Variants in SLC44A5 observed in about 807,000 individuals in gnomAD.
SLC44A5 encodes the protein choline transporter-like protein 5.
A neutral mutation model predicts 101.8 loss-of-function variants in SLC44A5; 57 were observed. That is an observed-to-expected ratio of 0.56 (90% CI 0.45 to 0.70). SLC44A5 has a LOEUF of 0.70. Ranked by LOEUF, SLC44A5 falls within the 30% of genes least tolerant of loss-of-function variation. SLC44A5 has a pLI of 0.00. For synonymous variants in SLC44A5, 281 were observed against 290.9 expected, an observed-to-expected ratio of 0.97 and a Z score of 0.35; for missense variants, 737 against 853.1, an observed-to-expected ratio of 0.86 and a Z score of 1.70.
intron 12 of SLC44A5, among the ~76,000 whole-genome samples, chr1:75,231,317 T>C (rs967541346): frequency 1.3e-5 from 2 of 152,190 alleles, no homozygotes; most frequent in Admixed American, 1.3e-4. Flanking sequence ...TTTTTTTCAT[T>C]TGGAGGAGAT....
intron 2 of SLC44A5, among the ~76,000 whole-genome samples, chr1:75,421,361 G>C (rs532429846): frequency 6.0e-4 from 92 of 152,220 alleles, no homozygotes; most frequent in Non-Finnish European, 1.2e-3. Context: ...GGAATAAAAG[G>C]AGTTGTTGCT....
chr1:75,234,772 G>T (rs1425231549), intron 11 of SLC44A5, among the ~76,000 whole-genome samples: 2 of 151,998 alleles, frequency 1.3e-5, no homozygotes, highest in Non-Finnish European at 2.9e-5. Context: ...GCAATTAACA[G>T]CACGACTATC....
chr1:75,509,073 A>C (rs996566417), intron 2 of SLC44A5, among the ~76,000 whole-genome samples: 1 of 152,234 alleles, frequency 6.6e-6, no homozygotes, highest in Non-Finnish European at 1.5e-5. Flanking sequence ...ACTTGGACAG[A>C]CTGGCATGGG....
chr1:75,355,661 T>C (rs1380255488), intron 3 of SLC44A5, among the ~76,000 whole-genome samples: 1 of 152,166 alleles, frequency 6.6e-6, no homozygotes, highest in Non-Finnish European at 1.5e-5. Flanking sequence ...ATAATGGAGC[T>C]GAAAATTTCC....
At chr1:75,373,352 G>T (rs1660353709) in intron 3 of SLC44A5, among the ~76,000 whole-genome samples, 1 of 152,036 alleles carries the variant, frequency 6.6e-6, no homozygotes, top group South Asian at 2.1e-4. Context: ...AGGAAGGGGT[G>T]AGTAAAGGAA....
Position 75,611,083 on chromosome 1 carries a change from C to T in SLC44A5, c.-113G>A, listed in dbSNP as rs1675636224. 2 of 985,214 alleles carry T rather than the reference C, an allele frequency of 2.0e-6. No individual in the cohort carries two copies. Among genetic ancestry groups the T allele is most frequent in the East Asian group, 1.1e-4 (1 of 8,816 alleles). The allele number at this position is 985,214 out of a possible 1,614,324, so 61.0% of individuals were successfully genotyped here. ...TTCAATAACTCCATCAACACTGAAC[C>T]TTCTAACTCTAACATGCTACGATTC... is the stretch of plus-strand genomic sequence containing the variant. On this transcript the variant is annotated 5_prime_UTR_variant, in exon 1 of 24. Coordinates refer to ENST00000370859, the MANE Select transcript of SLC44A5 (RefSeq NM_001130058.2).
At chr1:75,204,889 G>A (rs551502168) in intron 23 of SLC44A5, 2 of 152,284 alleles carry the variant, frequency 1.3e-5, no homozygotes, top group South Asian at 4.1e-4. Context: ...CTCTTGGGCA[G>A]AGCACAAACA....
chr1:75,395,949 T>G (rs1466742018), intron 3 of SLC44A5, among the ~76,000 whole-genome samples: 1 of 152,152 alleles, frequency 6.6e-6, no homozygotes, highest in Non-Finnish European at 1.5e-5. Context: ...GGCAATGAGA[T>G]TGCACAAAGG....
chr1:75,357,768 T>C (rs927998221), intron 3 of SLC44A5, among the ~76,000 whole-genome samples: 7 of 152,150 alleles, frequency 4.6e-5, no homozygotes, highest in African/African-American at 1.7e-4. Context: ...TGGTCATAGT[T>C]TAAATTAAAC....
intron 5 of SLC44A5, among the ~76,000 whole-genome samples, chr1:75,295,868 G>C (rs1653923974): frequency 6.6e-6 from 1 of 152,172 alleles, no homozygotes; most frequent in African/African-American, 2.4e-5. Context: ...TCAGGAAAGA[G>C]TGTGATGTGC....
chr1:75,262,566 T>G (rs1650614336), intron 6 of SLC44A5, among the ~76,000 whole-genome samples: 1 of 152,152 alleles, frequency 6.6e-6, no homozygotes, highest in Non-Finnish European at 1.5e-5. Context: ...CCAAAGTAAT[T>G]TATAGATTCA....
At chr1:75,500,507 G>A (rs2101837595) in intron 2 of SLC44A5, among the ~76,000 whole-genome samples, 1 of 152,120 alleles carries the variant, frequency 6.6e-6, no homozygotes, top group East Asian at 1.9e-4. Flanking sequence ...AAAATTGAAG[G>A]AACATAGATG....
the SLC44A5 span, among the ~76,000 whole-genome samples, chr1:75,618,906 C>CA: frequency 2.9e-4 from 44 of 151,910 alleles, no homozygotes; most frequent in African/African-American, 1.1e-3. Flanking sequence ...CCCATCTCCA[C>CA]AAAAAATACA....
intron 2 of SLC44A5, among the ~76,000 whole-genome samples, chr1:75,508,571 A>G (rs1013694026): frequency 1.3e-5 from 2 of 152,088 alleles, no homozygotes; most frequent in Non-Finnish European, 2.9e-5. Flanking sequence ...TTGGTTCTTT[A>G]AAAGGATAAA....
chr1:75,670,129 A>T, the SLC44A5 span, among the ~76,000 whole-genome samples: 54 of 152,294 alleles, frequency 3.5e-4, 1 homozygote, highest in Admixed American at 1.6e-3. Context: ...GATCAAAAAG[A>T]TAGAAGATAT....
chr1:75,431,684 TG>T (rs1664624697), intron 2 of SLC44A5, among the ~76,000 whole-genome samples: 1 of 152,154 alleles, frequency 6.6e-6, no homozygotes, highest in Non-Finnish European at 1.5e-5. Flanking sequence ...AATAGTTCTT[TG>T]TGTTGCAGGT....
intron 2 of SLC44A5, among the ~76,000 whole-genome samples, chr1:75,459,012 A>T (rs1187355514): frequency 6.6e-6 from 1 of 152,216 alleles, no homozygotes; most frequent in Non-Finnish European, 1.5e-5. Context: ...CCATCAGAAT[A>T]ACTAAAGCCA....
intron 1 of SLC44A5, among the ~76,000 whole-genome samples, chr1:75,562,589 T>C (rs1672576870): frequency 6.6e-6 from 1 of 152,026 alleles, no homozygotes; most frequent in African/African-American, 2.4e-5. Flanking sequence ...TCCTAGCTAC[T>C]CGGGGGGAGG....
intron 5 of SLC44A5, among the ~76,000 whole-genome samples, chr1:75,279,532 A>G (rs1050317673): frequency 6.6e-6 from 1 of 152,182 alleles, no homozygotes; most frequent in African/African-American, 2.4e-5. Context: ...ATTGTGAAAT[A>G]AGAAATATTT....
Sources: allele counts gnomAD v4.1 joint callset (sites outside exome capture counted in the v4.1 genomes callset), GRCh38; gene constraint gnomAD v4.1.1; transcripts MANE v1.5; gene names NCBI Gene and HGNC (gene_info 2026-07-23, HGNC 2026-07-21).